The following RYR3 variants were observed in gnomAD, a reference collection of about 807,000 sequenced individuals.
The protein encoded by RYR3 is ryanodine receptor 3, also known as brain ryanodine receptor-calcium release channel.
In RYR3, 207 loss-of-function variants were observed where a neutral mutation model predicts 584.3. That is an observed-to-expected ratio of 0.35 (90% CI 0.32 to 0.40). The LOEUF (loss-of-function observed/expected upper bound fraction) is 0.40. Ranked by LOEUF, RYR3 falls within the 10% of genes least tolerant of loss-of-function variation. The pLI, the probability that RYR3 is intolerant of heterozygous loss-of-function variation, is 1.00. For synonymous variants in RYR3, 2,416 were observed against 2,248.5 expected, an observed-to-expected ratio of 1.07 and a Z score of -2.11; for missense variants, 5,616 against 6,089.2, an observed-to-expected ratio of 0.92 and a Z score of 2.59.
rs1401143126 is a variant in RYR3 at position 33,412,379 on chromosome 15, G to A, written c.52-61040G>A. On this transcript the variant is annotated intron_variant, in intron 1 of 103. Transcript: ENST00000634891. The surrounding 1 kb of genome is among the most constrained non-coding windows in gnomAD (Gnocchi z 4.3). ...TTTGATGCCACTCTTCTCAGTGGGA[G>A]ACAAACTGACAGCGGAAACCCTGGC... 1.3e-5 allele frequency among the ~76,000 whole-genome samples: 2 copies of A among 152,174 alleles called. No homozygotes were observed. Among genetic ancestry groups the A allele is most frequent in the Non-Finnish European group, 2.9e-5 (2 of 68,034 alleles).
In RYR3 at chr15:33,750,282, T is replaced by G. The variant is rs772475586; in HGVS notation, c.8395T>G (p.Ser2799Ala). 7 of 1,610,658 alleles carry G rather than the reference T, an allele frequency of 4.3e-6. No homozygotes were observed. The highest frequency in any genetic ancestry group is 5.9e-6 in the Non-Finnish European group (7 of 1,178,402). Reference sequence around the variant, plus strand: ...CCTCCAAGTGAATGGCATCATAGTTTCCAGGTAAGTCACCTTCCATGTGAT... The same window carrying G: ...CCTCCAAGTGAATGGCATCATAGTTGCCAGGTAAGTCACCTTCCATGTGAT... ...KFLQVNGIIV[S>A]RGMKDMELDA... is the part of the protein sequence containing the mutation. Residue 2799 changes from serine (S) to alanine (A), a missense_variant, in exon 57 of 104, where the codon TCC (serine) becomes GCC (alanine). Ser to Ala is a moderately conservative substitution (Grantham distance 99). This residue lies in a region of RYR3 where 1,280 missense variants were observed against 1,426.2 expected (regional missense o/e 0.90). Transcript: ENST00000634891.
At chr15:33,595,490 A>T (rs2059327335) in intron 16 of RYR3, among the ~76,000 whole-genome samples, 2 of 152,162 alleles carry the variant, frequency 1.3e-5, no homozygotes, top group Admixed American at 1.3e-4. Context: ...TAATTAGTTT[A>T]TAGAGGAACT....
intron 36 of RYR3, among the ~76,000 whole-genome samples, chr15:33,667,780 C>G (rs1447703566): frequency 1.3e-5 from 2 of 152,086 alleles, no homozygotes; most frequent in Non-Finnish European, 2.9e-5. Context: ...ATCCCTGAGT[C>G]AGGCCCGGCG....
intron 1 of RYR3, among the ~76,000 whole-genome samples, chr15:33,395,022 G>A (rs899504127): frequency 3.9e-5 from 6 of 152,176 alleles, no homozygotes; most frequent in Admixed American, 1.3e-4. Context: ...GGTATGGGGT[G>A]CAATCTTGGC....
chr15:33,837,915 T>G lies in RYR3; in HGVS notation c.11935T>G (p.Phe3979Val). The change falls in exon 89 of 104, where the codon TTT becomes GTT. Residue 3979 changes from phenylalanine (F) to valine (V), a missense_variant. Transcript: ENST00000634891. ...DENDMFNYVD[F>V]VDRFHEPAKD... Reference sequence around the variant, plus strand: ...GAATGACATGTTTAATTACGTTGATTTTGTAGACCGGTTCCATGAGCCAGC... The same window carrying G: ...GAATGACATGTTTAATTACGTTGATGTTGTAGACCGGTTCCATGAGCCAGC... 1.2e-6 allele frequency: 2 copies of G among 1,613,978 alleles called. No homozygotes were observed. Among genetic ancestry groups the G allele is most frequent in the Non-Finnish European group, 1.7e-6 (2 of 1,179,888 alleles).
At chr15:33,580,458 G>A (rs187285294) in intron 13 of RYR3, among the ~76,000 whole-genome samples, 3,423 of 143,746 alleles carry the variant, frequency 0.024, 52 homozygotes, top group Non-Finnish European at 0.036. Context: ...TTTGGGAAAC[G>A]TTAGAATTAC....
At chr15:33,550,033 T>C (rs2056558325) in intron 9 of RYR3, 127 bp from the exon 10 acceptor site, 1 of 954,736 alleles carries the variant, frequency 1.0e-6, no homozygotes, top group South Asian at 1.8e-5. Context: ...GCCTGGTGCG[T>C]TTTCCCTTAA....
intron 38 of RYR3, among the ~76,000 whole-genome samples, chr15:33,691,537 A>C (rs1426078724): frequency 1.3e-5 from 2 of 151,912 alleles, no homozygotes; most frequent in African/African-American, 4.8e-5. Context: ...CATTTTTTTC[A>C]TTTGTTCAAG....
intron 45 of RYR3, among the ~76,000 whole-genome samples, chr15:33,725,980 A>AGCC (rs1170277850): frequency 3.3e-5 from 3 of 90,448 alleles, no homozygotes; most frequent in East Asian, 2.2e-4. Flanking sequence ...CCCCCCCAAA[A>AGCC]AAAAAAAAAA....
chr15:33,313,089 G>C (rs907682113), intron 1 of RYR3, among the ~76,000 whole-genome samples: 6 of 152,168 alleles, frequency 3.9e-5, no homozygotes, highest in African/African-American at 1.4e-4. Flanking sequence ...AACCATGGGG[G>C]CAGTGACTCC....
At chr15:33,553,113 A>T (rs967079034) in intron 10 of RYR3, among the ~76,000 whole-genome samples, 1 of 152,116 alleles carries the variant, frequency 6.6e-6, no homozygotes, top group Non-Finnish European at 1.5e-5. Flanking sequence ...TGGTGGAGAC[A>T]GTCATCTGTT....
chr15:33,367,240 A>T (rs986660936), intron 1 of RYR3, among the ~76,000 whole-genome samples: 10 of 152,222 alleles, frequency 6.6e-5, no homozygotes, highest in Non-Finnish European at 1.2e-4. Context: ...AAAAAAGTTC[A>T]GAAAGTATGA....
chr15:33,541,550 G>A (rs1037466272), intron 7 of RYR3, among the ~76,000 whole-genome samples: 1 of 152,146 alleles, frequency 6.6e-6, no homozygotes, highest in African/African-American at 2.4e-5. Flanking sequence ...ATAATCAAAT[G>A]TCAGTGACCT....
At chr15:33,734,961 G>T (rs1360502865) in intron 48 of RYR3, among the ~76,000 whole-genome samples, 1 of 152,176 alleles carries the variant, frequency 6.6e-6, no homozygotes, top group Non-Finnish European at 1.5e-5. Context: ...GAAGTGCTGA[G>T]ATTACAGGCG....
In RYR3 at chr15:33,740,012, C is replaced by A; in HGVS notation, c.7820+17C>A. On this transcript the variant is annotated intron_variant, in intron 51 of 103. Transcript: ENST00000634891. ...CACCATGAAGTGAGTCCAGAATCAT[C>A]TCTGAGCTGGTGCTGTATTTTGTCC... is the stretch of plus-strand genomic sequence containing the variant. 2 of 1,611,728 alleles carry A rather than the reference C, an allele frequency of 1.2e-6. No homozygotes were observed. Among genetic ancestry groups the A allele is most frequent in the Non-Finnish European group, 1.7e-6 (2 of 1,178,356 alleles).
chr15:33,795,391 TTTTTTTTTTTTG>T (rs1228606495), intron 67 of RYR3, among the ~76,000 whole-genome samples: 3 of 77,886 alleles, frequency 3.9e-5, no homozygotes, highest in Non-Finnish European at 8.8e-5. Context: ...TTTTTTTTTT[TTTTTTTTTTTTG>T]TGAGACAGAG....
intron 38 of RYR3, among the ~76,000 whole-genome samples, chr15:33,681,512 G>A (rs964353502): frequency 7.2e-5 from 11 of 152,102 alleles, no homozygotes; most frequent in South Asian, 2.1e-4. Context: ...TGGACGTTTG[G>A]GGGAGTTGGA....
At chr15:33,623,649 C>G (rs115355430) in intron 19 of RYR3, among the ~76,000 whole-genome samples, 158 bp from the exon 20 acceptor site, 2 of 152,292 alleles carry the variant, frequency 1.3e-5, no homozygotes, top group South Asian at 4.1e-4. Context: ...TGTTTTGTTA[C>G]ATACTGGATG....
At chr15:33,725,448 G>A (rs562657698) in intron 45 of RYR3, among the ~76,000 whole-genome samples, 5 of 152,172 alleles carry the variant, frequency 3.3e-5, no homozygotes, top group South Asian at 2.1e-4. Flanking sequence ...ACTACACCCC[G>A]CCAGAGACTG....
Sources: gnomAD v4.1 joint callset for allele counts (sites outside exome capture counted in the v4.1 genomes callset) on GRCh38, gnomAD v4.1.1 for gene constraint, gnomAD v4.1.1 regional missense constraint, Gnocchi (gnomAD v3.1) non-coding constraint, MANE v1.5 for transcripts, NCBI Gene and HGNC (gene_info 2026-07-23, HGNC 2026-07-21) for gene names.